CACNA1C: variants seen among roughly 807,000 people sequenced by gnomAD.
The protein encoded by CACNA1C is voltage-dependent L-type calcium channel subunit alpha-1C.
In CACNA1C, 30 loss-of-function variants were observed where a neutral mutation model predicts 229.0. The observed-to-expected ratio is 0.13, with a 90% confidence interval of 0.10 to 0.18. The LOEUF is 0.18. Among genes scored for constraint, CACNA1C ranks in the 10% least tolerant of loss-of-function variants. The pLI is 1.00. For synonymous variants in CACNA1C, 1,114 were observed against 1,132.5 expected (o/e 0.98, Z 0.33); for missense variants, 1,658 against 2,845.0 (o/e 0.58, Z 9.49).
At chr12:2,026,629 T>G (rs2154490410) in intron 1 of CACNA1C, among the ~76,000 whole-genome samples, 1 of 152,340 alleles carries the variant, frequency 6.6e-6, no homozygotes, top group East Asian at 1.9e-4. Flanking sequence ...AGGCAATGTC[T>G]TTTTTTATTC....
At chr12:2,664,344 T>C (rs1450783056) in intron 34 of CACNA1C, among the ~76,000 whole-genome samples, 1 of 152,226 alleles carries the variant, frequency 6.6e-6, no homozygotes, top group Non-Finnish European at 1.5e-5. Context: ...AAAATAAAGA[T>C]GCATGTAGTT....
At chr12:2,173,037 G>C (rs2096543489) in intron 3 of CACNA1C, among the ~76,000 whole-genome samples, 1 of 152,218 alleles carries the variant, frequency 6.6e-6, no homozygotes, top group East Asian at 1.9e-4. Context: ...GGCTTACTGT[G>C]AGCGAGGGAA....
At chr12:2,423,033 G>C (rs749379987) in intron 3 of CACNA1C, among the ~76,000 whole-genome samples, 2 of 152,268 alleles carry the variant, frequency 1.3e-5, no homozygotes, top group African/African-American at 4.8e-5. Context: ...TCGAGGATTA[G>C]CTTGGAAGGG....
chr12:2,123,275 C>T (rs1195903141), intron 3 of CACNA1C, among the ~76,000 whole-genome samples: 1 of 146,710 alleles, frequency 6.8e-6, no homozygotes, highest in Non-Finnish European at 1.5e-5. Context: ...ACTCAGGAGG[C>T]TGAGGCAGGA....
intron 3 of CACNA1C, among the ~76,000 whole-genome samples, chr12:2,233,924 C>T (rs917317064): frequency 9.9e-5 from 15 of 152,118 alleles, no homozygotes; most frequent in Non-Finnish European, 2.9e-5. Flanking sequence ...TCAAGGGGGT[C>T]GAAAGTGAGG....
chr12:2,233,919 G>A (rs1287822016), intron 3 of CACNA1C, among the ~76,000 whole-genome samples: 1 of 152,110 alleles, frequency 6.6e-6, no homozygotes, highest in Non-Finnish European at 1.5e-5. Context: ...CAGCTTCAAG[G>A]GGGTCGAAAG....
At chr12:2,161,121 G>T (rs998186896) in intron 3 of CACNA1C, among the ~76,000 whole-genome samples, 5 of 152,246 alleles carry the variant, frequency 3.3e-5, no homozygotes, top group African/African-American at 9.6e-5. Context: ...CACCCGGCTA[G>T]CTCTGGTTAT....
intron 1 of CACNA1C, among the ~76,000 whole-genome samples, chr12:2,080,639 TAGAA>T (rs1240178121): frequency 1.3e-5 from 2 of 149,096 alleles, no homozygotes; most frequent in African/African-American, 4.9e-5. Flanking sequence ...AAGGAAGAAA[TAGAA>T]AGCATAATAA....
intron 3 of CACNA1C, among the ~76,000 whole-genome samples, chr12:2,408,286 T>C (rs1428003799): frequency 2.0e-5 from 3 of 152,142 alleles, no homozygotes; most frequent in Admixed American, 6.5e-5. Flanking sequence ...GAGTTTCAGT[T>C]TGGGAGGATG....
At position 2,053,623 on chromosome 12, in the gene CACNA1C, C is replaced by CT; in HGVS notation, c.49+12_49+13insT. 1 of 1,583,532 alleles carries CT rather than the reference C, an allele frequency of 6.3e-7. No homozygotes were observed. The highest frequency in any genetic ancestry group is 8.6e-7 in the Non-Finnish European group (1 of 1,165,780). ...GGAAAACCACCAAGGTAAGGCTGGA[C>CT]CCCGCCGCCTCGCCGGGGCTCCCTG... On this transcript the variant is annotated intron_variant, in intron 1 of 46. Transcript: ENST00000399655. This position sits in a 1 kb window ranked among gnomAD's most constrained non-coding sequence, Gnocchi z 5.8.
In CACNA1C at chr12:2,236,960, A is replaced by G. The variant is rs2067636323; in HGVS notation, c.477+116530A>G. Among the ~76,000 whole-genome samples the G allele has an allele frequency of 1.3e-5, 2 of 152,098 alleles. 1 individual carries two copies. Among genetic ancestry groups the G allele is most frequent in the Non-Finnish European group, 2.9e-5 (2 of 68,026 alleles). On this transcript the variant is annotated intron_variant, in intron 3 of 46. Transcript: ENST00000399655. ...CAGGGGTTTCTGGTCCTAAACTTCC[A>G]CCACCATGAGATTACTACAATGCCT...
upstream of CACNA1C, chr12:2,052,927 G>C (rs2052701783): frequency 1.0e-6 from 1 of 960,540 alleles, no homozygotes; most frequent in Non-Finnish European, 1.2e-6. Flanking sequence ...GGCAGGGGCG[G>C]GCGCGGGCGC....
chr12:2,433,072 G>T (rs549768270), intron 3 of CACNA1C, among the ~76,000 whole-genome samples: 2 of 152,352 alleles, frequency 1.3e-5, no homozygotes, highest in African/African-American at 4.8e-5. Flanking sequence ...CCACGCGTTT[G>T]ACGTGTGTGC....
chr12:2,231,036 C>T (rs1441977180), intron 3 of CACNA1C, among the ~76,000 whole-genome samples: 1 of 152,220 alleles, frequency 6.6e-6, no homozygotes, highest in Non-Finnish European at 1.5e-5. Flanking sequence ...ATAACATATA[C>T]AGATACGCAC....
Position 2,572,885 on chromosome 12 carries a change from TCTC to T in CACNA1C, c.1895+5098_1895+5100del, listed in dbSNP as rs1157686014. Among the ~76,000 whole-genome samples, 53 of 110,560 alleles carry T rather than the reference TCTC, an allele frequency of 4.8e-4. 1 individual carries two copies. Among genetic ancestry groups the T allele is most frequent in the Non-Finnish European group, 4.6e-4 (25 of 53,908 alleles). The allele number at this position is 110,560 out of a possible 152,430, so 72.5% of individuals were successfully genotyped here. A position where few individuals can be genotyped will look rare whatever the true frequency, so the allele number is the denominator to read the frequency against. Reference sequence around the variant, plus strand: ...CCTCCTCCTTCTCTTCTTCTTCTCCTCTCCTCCTCTTCTTCCTCCTTCTCCTCC... The same window carrying T: ...CCTCCTCCTTCTCTTCTTCTTCTCCTCTCCTCTTCTTCCTCCTTCTCCTCC... On this transcript the variant is annotated intron_variant, in intron 13 of 46. Coordinates refer to ENST00000399655, the MANE Select transcript of CACNA1C (RefSeq NM_000719.7).
intron 4 of CACNA1C, among the ~76,000 whole-genome samples, chr12:2,450,303 C>G (rs966903628): frequency 1.3e-5 from 2 of 151,910 alleles, no homozygotes; most frequent in Admixed American, 1.3e-4. Flanking sequence ...ACCTGTAATC[C>G]CAGCACTTTG....
intron 3 of CACNA1C, among the ~76,000 whole-genome samples, chr12:2,418,439 G>T (rs1375369597): frequency 6.6e-6 from 1 of 152,156 alleles, no homozygotes; most frequent in Non-Finnish European, 1.5e-5. Flanking sequence ...GCAGAGTTGC[G>T]GGCCTGACGA....
Position 2,101,243 on chromosome 12 carries a change from C to T in CACNA1C, c.50-13981C>T, listed in dbSNP as rs977964147. 3.3e-5 allele frequency among the ~76,000 whole-genome samples: 5 copies of T among 152,256 alleles called. No individual in the cohort carries two copies. In the South Asian group the frequency reaches 6.2e-4, roughly 19 times the overall value. On this transcript the variant is annotated intron_variant, in intron 1 of 46. Coordinates refer to ENST00000399655, the MANE Select transcript of CACNA1C (RefSeq NM_000719.7). ...AATTTGGTACTGGTATCATTCACAC[C>T]GTGACGAGTACCCAGGCGCAGAGCT...
At chr12:2,278,602 TG>T (rs1338957466) in intron 3 of CACNA1C, among the ~76,000 whole-genome samples, 1 of 152,252 alleles carries the variant, frequency 6.6e-6, no homozygotes, top group Admixed American at 6.5e-5. Context: ...ATTGCTTAGT[TG>T]TGTTCCATTG....
Sources: allele counts gnomAD v4.1 joint callset (sites outside exome capture counted in the v4.1 genomes callset), GRCh38; gene constraint gnomAD v4.1.1; non-coding constraint Gnocchi (gnomAD v3.1); transcripts MANE v1.5; gene names NCBI Gene and HGNC (gene_info 2026-07-23, HGNC 2026-07-21).